RCAN2: variants seen among roughly 807,000 people sequenced by gnomAD.
RCAN2 encodes regulator of calcineurin 2.
In RCAN2, 9 loss-of-function variants were observed where a neutral mutation model predicts 23.6. That is an observed-to-expected ratio of 0.38 (90% CI 0.23 to 0.67). The LOEUF is 0.67. RCAN2 is among the 30% of genes least tolerant of loss of function. RCAN2 has a pLI of 0.51. For missense variants in RCAN2, 273 were observed against 302.3 expected (o/e 0.90, Z 0.72); for synonymous variants, 109 against 115.7 (o/e 0.94, Z 0.37).
At chr6:46,370,913 G>A (rs891882132) in intron 2 of RCAN2, among the ~76,000 whole-genome samples, 3 of 152,122 alleles carry the variant, frequency 2.0e-5, no homozygotes, top group Admixed American at 6.5e-5. Context: ...TCCTGTGCAG[G>A]CTTCCTTCTT....
intron 2 of RCAN2, among the ~76,000 whole-genome samples, chr6:46,374,841 C>A (rs912769186): frequency 2.0e-5 from 3 of 152,026 alleles, no homozygotes; most frequent in African/African-American, 7.2e-5. Context: ...AAGAAAACAC[C>A]TTTGCTGGCA....
rs16874577 is a variant in RCAN2 at position 46,319,574 on chromosome 6, A to C, written c.226-70678T>G. Among the ~76,000 whole-genome samples the C allele has an allele frequency of 9.2e-4, 140 of 152,316 alleles. 3 individuals carry two copies. In the East Asian group the frequency reaches 0.021, roughly 23 times the overall value. On this transcript the variant is annotated intron_variant, in intron 2 of 4. Transcript: ENST00000371374. ...GTCTACCTTGTCTTTACCAAATGTG[A>C]TAGGTGGCTGAGAAATCTGCCTCTG...
intron 2 of RCAN2, among the ~76,000 whole-genome samples, chr6:46,255,469 G>A (rs917595495): frequency 7.9e-5 from 12 of 152,150 alleles, no homozygotes; most frequent in Admixed American, 2.0e-4. Flanking sequence ...TGACATAGTG[G>A]GAAAAGTAGA....
chr6:46,444,178 A>C (rs1044451607), intron 2 of RCAN2, among the ~76,000 whole-genome samples: 12 of 152,182 alleles, frequency 7.9e-5, no homozygotes, highest in Non-Finnish European at 1.6e-4. Context: ...AAAATATTTT[A>C]CAATTTAAGC....
chr6:46,451,291 G>A (rs1382714806), intron 2 of RCAN2, among the ~76,000 whole-genome samples: 1 of 152,112 alleles, frequency 6.6e-6, no homozygotes, highest in Non-Finnish European at 1.5e-5. Context: ...GTGTAATACT[G>A]GGCACAGGGC....
At chr6:46,238,181 T>A (rs1222120422) in intron 4 of RCAN2, among the ~76,000 whole-genome samples, 1 of 152,180 alleles carries the variant, frequency 6.6e-6, no homozygotes, top group Non-Finnish European at 1.5e-5. Flanking sequence ...TGTGTGTGTG[T>A]CTGGGAAGGC....
chr6:46,487,497 C>G (rs1288532793), intron 1 of RCAN2, among the ~76,000 whole-genome samples: 1 of 152,194 alleles, frequency 6.6e-6, no homozygotes, highest in Non-Finnish European at 1.5e-5. Flanking sequence ...GGTGGGACCT[C>G]CATTTCCTGA....
intron 2 of RCAN2, among the ~76,000 whole-genome samples, chr6:46,357,603 T>C (rs928756523): frequency 1.3e-5 from 2 of 152,230 alleles, no homozygotes; most frequent in Non-Finnish European, 2.9e-5. Flanking sequence ...AAAACCCATA[T>C]ATACTCTCCA....
At chr6:46,338,713 G>A (rs747280273) in intron 2 of RCAN2, among the ~76,000 whole-genome samples, 5 of 152,018 alleles carry the variant, frequency 3.3e-5, no homozygotes, top group Non-Finnish European at 7.4e-5. Flanking sequence ...TACCTTCACT[G>A]CTTTTCCATT....
chr6:46,490,251 A>G (rs964373044), intron 1 of RCAN2, among the ~76,000 whole-genome samples: 35 of 152,190 alleles, frequency 2.3e-4, no homozygotes, highest in African/African-American at 8.4e-4. Context: ...CTTCATCTCC[A>G]ATTGTGGAAA....
intron 2 of RCAN2, among the ~76,000 whole-genome samples, chr6:46,362,302 A>G (rs1765041280): frequency 6.6e-6 from 1 of 152,176 alleles, no homozygotes; most frequent in South Asian, 2.1e-4. Flanking sequence ...GTCGTTTAAG[A>G]GAAATGAATG....
intron 2 of RCAN2, among the ~76,000 whole-genome samples, chr6:46,346,449 A>G (rs1250892517): frequency 1.3e-5 from 2 of 152,194 alleles, no homozygotes; most frequent in African/African-American, 2.4e-5. Flanking sequence ...AATCTCTTCA[A>G]ATAAATCAAT....
intron 4 of RCAN2, among the ~76,000 whole-genome samples, chr6:46,239,946 A>C (rs889317222): frequency 6.6e-6 from 1 of 152,160 alleles, no homozygotes; most frequent in Non-Finnish European, 1.5e-5. Flanking sequence ...AGAATCCCGG[A>C]GGGAAGGTAT....
chr6:46,302,317 A>G (rs1762927993), intron 2 of RCAN2, among the ~76,000 whole-genome samples: 2 of 152,094 alleles, frequency 1.3e-5, no homozygotes, highest in Non-Finnish European at 2.9e-5. Context: ...CATGTTAAGT[A>G]TGAATGCTAT....
intron 2 of RCAN2, among the ~76,000 whole-genome samples, chr6:46,441,271 T>C (rs1246198048): frequency 6.6e-6 from 1 of 152,222 alleles, no homozygotes; most frequent in African/African-American, 2.4e-5. Flanking sequence ...GTTTCAAAGA[T>C]ATTTTTAAGT....
intron 2 of RCAN2, among the ~76,000 whole-genome samples, chr6:46,435,906 A>G (rs1355128139): frequency 2.6e-5 from 4 of 152,246 alleles, no homozygotes; most frequent in Admixed American, 2.6e-4. Flanking sequence ...ATAAAGGAAA[A>G]TGGAACTTTC....
chr6:46,474,352 G>C (rs1399415283), intron 1 of RCAN2, among the ~76,000 whole-genome samples: 4 of 150,058 alleles, frequency 2.7e-5, no homozygotes, highest in African/African-American at 1.0e-4. Context: ...GGGGAGGCAG[G>C]GGGAAGCCAT....
chr6:46,272,090 T>A (rs1554129237), intron 2 of RCAN2, among the ~76,000 whole-genome samples: 1 of 152,238 alleles, frequency 6.6e-6, no homozygotes, highest in Non-Finnish European at 1.5e-5. Flanking sequence ...GCCACTCAGC[T>A]AGTGACAGTA....
chr6:46,252,045 G>A (rs989612678), intron 2 of RCAN2, among the ~76,000 whole-genome samples: 1 of 151,988 alleles, frequency 6.6e-6, no homozygotes, highest in Admixed American at 6.6e-5. Context: ...GGCCTTTTGG[G>A]ACCTTTATTT....
Sources: allele counts gnomAD v4.1 joint callset (sites outside exome capture counted in the v4.1 genomes callset), GRCh38; gene constraint gnomAD v4.1.1; transcripts MANE v1.5; gene names NCBI Gene and HGNC (gene_info 2026-07-23, HGNC 2026-07-21).